AMPH: variants seen among roughly 807,000 people sequenced by gnomAD.
The protein encoded by AMPH is amphiphysin (Stiff-Mann syndrome with breast cancer 128kD autoantigen).
Under a neutral mutation model 99.1 loss-of-function variants are expected in AMPH, and 49 were observed. That is an observed-to-expected ratio of 0.49 (90% confidence interval 0.39 to 0.63). The LOEUF (loss-of-function observed/expected upper bound fraction) is 0.63. AMPH is among the 20% of genes least tolerant of loss of function. The pLI is 0.00. For missense variants in AMPH, 759 were observed against 863.4 expected (o/e 0.88, Z 1.52); for synonymous variants, 314 against 317.3 (o/e 0.99, Z 0.11).
At chr7:38,542,673 T>C (rs1355487357) in intron 1 of AMPH, among the ~76,000 whole-genome samples, 1 of 152,094 alleles carries the variant, frequency 6.6e-6, no homozygotes, top group African/African-American at 2.4e-5. Flanking sequence ...AAAAGATGAG[T>C]TAGCAATGTA....
chr7:38,439,206 C>T (rs1786409453), intron 11 of AMPH, among the ~76,000 whole-genome samples: 1 of 152,178 alleles, frequency 6.6e-6, no homozygotes, highest in Non-Finnish European at 1.5e-5. Flanking sequence ...AACTGTGAGT[C>T]AATGAAACCT....
At chr7:38,560,333 A>G (rs1467035087) in intron 1 of AMPH, among the ~76,000 whole-genome samples, 2 of 152,210 alleles carry the variant, frequency 1.3e-5, no homozygotes, top group East Asian at 3.9e-4. Flanking sequence ...CCCAGCCAAT[A>G]GCGAATCAAC....
chr7:38,417,618 T>G (rs35694535), intron 17 of AMPH, among the ~76,000 whole-genome samples: 4,968 of 152,314 alleles, frequency 0.033, 107 homozygotes, highest in South Asian at 0.094. Flanking sequence ...CAGTTTTCTT[T>G]AGATCATAAG....
At chr7:38,409,584 C>T (rs552452365) in intron 17 of AMPH, among the ~76,000 whole-genome samples, 2 of 152,246 alleles carry the variant, frequency 1.3e-5, no homozygotes, top group Non-Finnish European at 2.9e-5. Flanking sequence ...CATTTATGCG[C>T]TTTTTTTCTA....
chr7:38,425,241 C>T (rs1485667237), intron 15 of AMPH, among the ~76,000 whole-genome samples: 2 of 152,088 alleles, frequency 1.3e-5, no homozygotes, highest in Non-Finnish European at 2.9e-5. Flanking sequence ...GATGGAAGAG[C>T]CAGTGAGAAC....
chr7:38,424,765 T>C (rs1419421954), intron 15 of AMPH, among the ~76,000 whole-genome samples: 2 of 152,004 alleles, frequency 1.3e-5, no homozygotes, highest in East Asian at 1.9e-4. Flanking sequence ...TAGCCCATCA[T>C]TGAAACATTT....
chr7:38,612,087 C>CTTT (rs56111676), intron 1 of AMPH, among the ~76,000 whole-genome samples: 27 of 97,384 alleles, frequency 2.8e-4, no homozygotes, highest in East Asian at 1.9e-3. Context: ...TTGTCTTCTT[C>CTTT]TTTTTTTTTT....
At chr7:38,606,149 A>T (rs985716220) in intron 1 of AMPH, among the ~76,000 whole-genome samples, 6 of 152,140 alleles carry the variant, frequency 3.9e-5, no homozygotes, top group Non-Finnish European at 8.8e-5. Context: ...CCCATGCTTT[A>T]GGTTTTGGGG....
intron 2 of AMPH, among the ~76,000 whole-genome samples, chr7:38,521,485 C>G (rs1326033876): frequency 6.6e-6 from 1 of 152,182 alleles, no homozygotes; most frequent in African/African-American, 2.4e-5. Context: ...AGCGCCACTT[C>G]ACTCCAGCCT....
chr7:38,428,486 C>T (rs1785869138), intron 14 of AMPH: 1 of 456,530 alleles, frequency 2.2e-6, no homozygotes, highest in Admixed American at 2.3e-5. Flanking sequence ...GATTTTTATC[C>T]CTGTCACCTA....
chr7:38,517,205 G>A (rs1048985487), intron 2 of AMPH, among the ~76,000 whole-genome samples: 1 of 152,154 alleles, frequency 6.6e-6, no homozygotes, highest in African/African-American at 2.4e-5. Context: ...GCCAGAGAAG[G>A]AATGATATGG....
chr7:38,456,263 G>T (rs1252607796), intron 11 of AMPH, among the ~76,000 whole-genome samples: 2 of 152,204 alleles, frequency 1.3e-5, no homozygotes, highest in Non-Finnish European at 2.9e-5. Context: ...TCCCTACACT[G>T]CTCCCACCAT....
chr7:38,422,079 T>C (rs1236857363), intron 16 of AMPH, among the ~76,000 whole-genome samples: 1 of 152,184 alleles, frequency 6.6e-6, no homozygotes, highest in Non-Finnish European at 1.5e-5. Flanking sequence ...AGGATTTATT[T>C]TGAAGCATGA....
chr7:38,590,139 T>C (rs11765615), intron 1 of AMPH, among the ~76,000 whole-genome samples: 11,837 of 151,744 alleles, frequency 0.078, 593 homozygotes, highest in East Asian at 0.25. Flanking sequence ...TTCCAAGGAA[T>C]GGAACCTTGA....
chr7:38,527,382 G>C (rs186340021), intron 2 of AMPH, among the ~76,000 whole-genome samples: 1 of 152,314 alleles, frequency 6.6e-6, no homozygotes, highest in East Asian at 1.9e-4. Flanking sequence ...TCAAATCCAT[G>C]AATATAGTAC....
chr7:38,511,029 G>T (rs1789520419), intron 2 of AMPH, among the ~76,000 whole-genome samples: 1 of 152,240 alleles, frequency 6.6e-6, no homozygotes, highest in East Asian at 1.9e-4. Context: ...CTTGGGGCAA[G>T]TTACTTAATC....
chr7:38,466,115 CA>C, intron 8 of AMPH, 57 bp downstream of exon 8: 1 of 1,395,938 alleles, frequency 7.2e-7, no homozygotes, highest in Non-Finnish European at 1.0e-6. Context: ...CATTTGCTTC[CA>C]AAATAAACCT....
rs115374778 is a variant in AMPH at position 38,560,380 on chromosome 7, C to T, written c.70-25369G>A. Among the ~76,000 whole-genome samples the T allele has an allele frequency of 5.4e-3, 816 of 152,300 alleles. 10 individuals carry two copies. The highest frequency in any genetic ancestry group is 0.018 in the African/African-American group (766 of 41,562). ...CCATCCAGCCCCAGAAACTTGCAAC[C>T]TCAGTTGATATTAGCTGAGACAGCC... On this transcript the variant is annotated intron_variant, in intron 1 of 20. Transcript: ENST00000356264.
intron 3 of AMPH, among the ~76,000 whole-genome samples, chr7:38,501,281 C>G (rs1200088474): frequency 6.6e-6 from 1 of 152,196 alleles, no homozygotes; most frequent in African/African-American, 2.4e-5. Flanking sequence ...ACCTTCACCT[C>G]CCGGGTTCAA....
Sources: gnomAD v4.1 joint callset for allele counts (sites outside exome capture counted in the v4.1 genomes callset) on GRCh38, gnomAD v4.1.1 for gene constraint, MANE v1.5 for transcripts, NCBI Gene and HGNC (gene_info 2026-07-23, HGNC 2026-07-21) for gene names.